The following PRSS21 variants were observed in gnomAD, a reference collection of about 807,000 sequenced individuals.
The protein encoded by PRSS21 is testisin.
In PRSS21, 40 loss-of-function variants were observed where a neutral mutation model predicts 31.1. That is an observed-to-expected ratio of 1.29 (90% CI 1.00 to 1.68). PRSS21 has a LOEUF of 1.68. Ranked by LOEUF, PRSS21 falls within the 40% of genes most tolerant of loss-of-function variation. The pLI is 0.00. For missense variants in PRSS21, 467 were observed against 412.6 expected (o/e 1.13, Z -1.14); for synonymous variants, 186 against 167.7 (o/e 1.11, Z -0.84).
intron 5 of PRSS21, 81 bp from the exon 6 acceptor site, chr16:2,821,285 C>A (rs2069171025): frequency 8.9e-6 from 14 of 1,570,418 alleles, no homozygotes; most frequent in Middle Eastern, 3.9e-4. Flanking sequence ...TCTACCCAGC[C>A]CCATAGCCCT....
chr16:2,817,275 G>A lies in PRSS21; in HGVS notation c.7G>A (p.Ala3Thr), dbSNP rs769600653. 98 of 1,533,772 alleles carry A rather than the reference G, an allele frequency of 6.4e-5. 1 individual carries two copies. In the South Asian group the frequency reaches 1.0e-3, roughly 16 times the overall value. The change falls in exon 1 of 6, where the codon GCG (alanine) becomes ACG (threonine). Residue 3 changes from alanine to threonine, a missense_variant. By Grantham distance (58) the Ala-to-Thr change is moderately conservative. Coordinates refer to ENST00000005995, the MANE Select transcript of PRSS21 (RefSeq NM_006799.4). This position sits in a 1 kb window ranked among gnomAD's most constrained non-coding sequence, Gnocchi z 4.2. The part of the protein sequence containing the change: MG[A>T]RGALLLALLL... Reference sequence around the variant, plus strand: ...GGCCGCGGGAGAGGAGGCCATGGGCGCGCGCGGGGCGCTGCTGCTGGCGCT... The same window carrying A: ...GGCCGCGGGAGAGGAGGCCATGGGCACGCGCGGGGCGCTGCTGCTGGCGCT...
intron 3 of PRSS21, 97 bp downstream of exon 3, chr16:2,818,063 G>GGCGTGAAAGTTGT (rs775078192): frequency 4.9e-6 from 7 of 1,425,352 alleles, no homozygotes; most frequent in Non-Finnish European, 6.6e-6. Context: ...GCCAGACTTG[G>GGCGTGAAAGTTGT]GCGTGAAAGT....
Position 2,817,741 on chromosome 16 carries a change from GGA to G in PRSS21, c.92-56_92-55del. On this transcript the variant is annotated intron_variant, in intron 2 of 5. Coordinates refer to ENST00000005995, the MANE Select transcript of PRSS21 (RefSeq NM_006799.4). This position sits in a 1 kb window ranked among gnomAD's most constrained non-coding sequence, Gnocchi z 4.2. Reference sequence around the variant, plus strand: ...CCGGACGGGGTTGAAGGGGAGAAAGGGAGAGGTCGGGCTTGGGGGGCTGCCTC... The same window carrying G: ...CCGGACGGGGTTGAAGGGGAGAAAGGGAGGTCGGGCTTGGGGGGCTGCCTC... 1 of 1,526,690 alleles carries G rather than the reference GGA, an allele frequency of 6.6e-7. No individual in the cohort carries two copies. The highest frequency in any genetic ancestry group is 8.8e-7 in the Non-Finnish European group (1 of 1,134,730). 94.6% of individuals were successfully genotyped at this position (1,526,690 alleles called of 1,614,324 possible).
chr16:2,821,365 G>A lies in PRSS21; in HGVS notation c.706-1G>A. The A allele has an allele frequency of 6.2e-7, 1 of 1,614,088 alleles. No individual in the cohort carries two copies. The highest frequency in any genetic ancestry group is 8.5e-7 in the Non-Finnish European group (1 of 1,179,952). On this transcript the variant is annotated splice_acceptor_variant, in intron 5 of 5. Coordinates refer to ENST00000005995, the MANE Select transcript of PRSS21 (RefSeq NM_006799.4). LOFTEE classifies it high-confidence loss of function. The stretch of plus-strand genomic sequence containing the variant: ...CTGACCTCAGCCCCGCTGCTCCCCA[G>A]GGTGACTCAGGTGGACCCTTGGCCT...
In PRSS21 at chr16:2,817,535, G is replaced by A. The variant is rs1234343158; in HGVS notation, c.91+79G>A. The A allele has an allele frequency of 3.9e-6, 5 of 1,276,928 alleles. No individual in the cohort carries two copies. In the East Asian group the frequency reaches 7.7e-5, roughly 20 times the overall value. The allele number at this position is 1,276,928 out of a possible 1,614,324, so 79.1% of individuals were successfully genotyped here. A position where few individuals can be genotyped will look rare whatever the true frequency, so the allele number is the denominator to read the frequency against. On this transcript the variant is annotated intron_variant, in intron 2 of 5. Transcript: ENST00000005995. This position sits in a 1 kb window ranked among gnomAD's most constrained non-coding sequence, Gnocchi z 4.2. ...GGGGGGCGGTGAGGGGGTAGAGGGG[G>A]GCCTTTACTGCTCTCTCGCCCCCGC...
intron 3 of PRSS21, among the ~76,000 whole-genome samples, chr16:2,818,198 C>G (rs1567273636): frequency 6.6e-6 from 1 of 152,192 alleles, no homozygotes; most frequent in African/African-American, 2.4e-5. Context: ...AATGTTCTTC[C>G]AGAACATTTC....
intron 3 of PRSS21, 65 bp downstream of exon 3, chr16:2,818,031 C>T (rs1042171043): frequency 2.7e-6 from 4 of 1,491,976 alleles, no homozygotes; most frequent in African/African-American, 1.4e-5. Context: ...GGAGTGCCAC[C>T]GAACTTTACC....
chr16:2,817,750 G>A lies in PRSS21; in HGVS notation c.92-51G>A, dbSNP rs1224518026. ...GTTGAAGGGGAGAAAGGGAGAGGTC[G>A]GGCTTGGGGGGCTGCCTCCCGCGGC... On this transcript the variant is annotated intron_variant, in intron 2 of 5. Coordinates refer to ENST00000005995, the MANE Select transcript of PRSS21 (RefSeq NM_006799.4). This position sits in a 1 kb window ranked among gnomAD's most constrained non-coding sequence, Gnocchi z 4.2. 4 of 1,533,164 alleles carry A rather than the reference G, an allele frequency of 2.6e-6. No individual in the cohort carries two copies. Among genetic ancestry groups the A allele is most frequent in the Non-Finnish European group, 2.6e-6 (3 of 1,138,108 alleles). The allele number at this position is 1,533,164 out of a possible 1,614,324, so 95.0% of individuals were successfully genotyped here.
intron 4 of PRSS21, 24 bp from the exon 5 acceptor site, chr16:2,820,931 T>C: frequency 6.2e-7 from 1 of 1,610,286 alleles, no homozygotes; most frequent in South Asian, 1.1e-5. Flanking sequence ...GCTGTCTCTC[T>C]CCTTCCCACT....
At position 2,817,253 on chromosome 16, in the gene PRSS21, C is replaced by T. The variant is rs796975699; in HGVS notation, c.-16C>T. The T allele has an allele frequency of 9.3e-6, 14 of 1,511,780 alleles. No individual in the cohort carries two copies. The African/African-American group carries it at 1.9e-4, about 20-fold the overall frequency. 93.6% of individuals were successfully genotyped at this position (1,511,780 alleles called of 1,614,324 possible). ...AGAGGAGGCAGAGGGGGCGTCAGGC[C>T]GCGGGAGAGGAGGCCATGGGCGCGC... On this transcript the variant is annotated 5_prime_UTR_variant, in exon 1 of 6. Coordinates refer to ENST00000005995, the MANE Select transcript of PRSS21 (RefSeq NM_006799.4). This position sits in a 1 kb window ranked among gnomAD's most constrained non-coding sequence, Gnocchi z 4.2.
At chr16:2,818,040 C>T in intron 3 of PRSS21, 74 bp downstream of exon 3, 1 of 1,477,326 alleles carries the variant, frequency 6.8e-7, no homozygotes, top group Non-Finnish European at 9.1e-7. Flanking sequence ...CCGAACTTTA[C>T]CTCTGGTCTG....
chr16:2,819,683 A>C (rs11865057), intron 4 of PRSS21, among the ~76,000 whole-genome samples: 50,936 of 152,148 alleles, frequency 0.33, 8,695 homozygotes, highest in African/African-American at 0.41. Flanking sequence ...ACTGTTCTAG[A>C]CATGGGGGCC....
In PRSS21 at chr16:2,820,174, T is replaced by C. The variant is rs1022352765; in HGVS notation, c.551-781T>C. Among the ~76,000 whole-genome samples, 30 of 152,262 alleles carry C rather than the reference T, an allele frequency of 2.0e-4. 1 individual carries two copies. The highest frequency in any genetic ancestry group is 7.0e-4 in the African/African-American group (29 of 41,558). ...CGGGCTGGGAGGCCTTGGGCAAAGG[T>C]GTTCATCTTACAGTGCCTCAGTTTC... On this transcript the variant is annotated intron_variant, in intron 4 of 5. Transcript: ENST00000005995.
chr16:2,821,528 A>T lies in PRSS21; in HGVS notation c.868A>T (p.Met290Leu), dbSNP rs764307491. The T allele has an allele frequency of 3.1e-6, 5 of 1,614,160 alleles. No homozygotes were observed. In the Admixed American group the frequency reaches 8.3e-5, roughly 27 times the overall value. The change falls in exon 6 of 6, where the codon ATG (methionine) becomes TTG (leucine). Residue 290 changes from methionine to leucine, a missense_variant. Transcript: ENST00000005995. ...WIQKLMAQSG[M>L]SQPDPSWPLL... The stretch of plus-strand genomic sequence containing the variant: ...CCAGAAGCTGATGGCCCAGAGTGGC[A>T]TGTCCCAGCCAGACCCCTCCTGGCC...
chr16:2,820,735 C>G (rs573173056), intron 4 of PRSS21, among the ~76,000 whole-genome samples: 10 of 152,124 alleles, frequency 6.6e-5, no homozygotes, highest in Non-Finnish European at 1.3e-4. Context: ...AGGGAAAGTG[C>G]GGCTGGGGGA....
intron 4 of PRSS21, among the ~76,000 whole-genome samples, chr16:2,819,756 C>T (rs1372119423): frequency 2.0e-5 from 3 of 152,204 alleles, no homozygotes; most frequent in Admixed American, 6.5e-5. Flanking sequence ...AAGTTGGTAA[C>T]GTTCTTATAC....
chr16:2,820,882 C>T (rs887646195), intron 4 of PRSS21, 73 bp from the exon 5 acceptor site: 27 of 1,514,062 alleles, frequency 1.8e-5, no homozygotes, highest in Admixed American at 5.2e-5. Flanking sequence ...CCCCCACCCC[C>T]GCAGCCTATG....
At chr16:2,820,823 G>A in intron 4 of PRSS21, 132 bp from the exon 5 acceptor site, 1 of 910,234 alleles carries the variant, frequency 1.1e-6, no homozygotes, top group Non-Finnish European at 1.7e-6. Flanking sequence ...CTGGGTTGGA[G>A]CTGGGGGTAA....
At chr16:2,818,535 G>C (rs991943730) in intron 3 of PRSS21, 142 bp from the exon 4 acceptor site, 22 of 811,150 alleles carry the variant, frequency 2.7e-5, no homozygotes, top group Admixed American at 8.3e-5. Context: ...GTCTGTCTGG[G>C]CTCCTTCATT....
Sources: allele counts gnomAD v4.1 joint callset (sites outside exome capture counted in the v4.1 genomes callset), GRCh38; gene constraint gnomAD v4.1.1; non-coding constraint Gnocchi (gnomAD v3.1); transcripts MANE v1.5; gene names NCBI Gene and HGNC (gene_info 2026-07-23, HGNC 2026-07-21).